Variants in PCDHA7 observed in about 807,000 individuals in gnomAD.
PCDHA7 encodes protocadherin alpha 7.
In PCDHA7, 37 loss-of-function variants were observed where a neutral mutation model predicts 57.2. That is an observed-to-expected ratio of 0.65 (90% CI 0.50 to 0.85). PCDHA7 has a LOEUF of 0.85. Ranked by LOEUF, PCDHA7 falls within the 40% of genes least tolerant of loss-of-function variation. The probability of loss-of-function intolerance (pLI) is 0.00; values close to 1 mark genes in which losing one functional copy is unlikely to be tolerated. For synonymous variants in PCDHA7, 553 were observed against 558.8 expected (o/e 0.99, Z 0.15); for missense variants, 1,188 against 1,241.8 (o/e 0.96, Z 0.65).
At chr5:140,863,062 G>T (rs62384481) in intron 1 of PCDHA7, 19 of 565,590 alleles carry the variant, frequency 3.4e-5, no homozygotes, top group Non-Finnish European at 5.9e-5. Flanking sequence ...CCCGTTCCAC[G>T]TGGGGCTCTG....
At chr5:140,877,881 G>T (rs782565949) in intron 1 of PCDHA7, 73 of 1,468,602 alleles carry the variant, frequency 5.0e-5, no homozygotes, top group Non-Finnish European at 5.9e-5. Flanking sequence ...TTTCCTTGAA[G>T]AACTTCCGTT....
rs1032045343 is a variant in PCDHA7 at position 140,949,549 on chromosome 5, G to A, written c.2356-29400G>A. On this transcript the variant is annotated intron_variant, in intron 1 of 3. Transcript: ENST00000525929. Reference sequence around the variant, plus strand: ...CTTCATAAAATATCGATTTGTTGCTGGTCATACTTTTTTTCTTGTAGTAGC... The same window carrying A: ...CTTCATAAAATATCGATTTGTTGCTAGTCATACTTTTTTTCTTGTAGTAGC... Among the ~76,000 whole-genome samples the A allele has an allele frequency of 2.0e-5, 3 of 151,684 alleles. No homozygotes were observed. In the South Asian group the frequency reaches 6.2e-4, roughly 31 times the overall value.
chr5:141,003,574 A>G (rs559561339), intron 3 of PCDHA7, among the ~76,000 whole-genome samples: 22 of 151,680 alleles, frequency 1.5e-4, no homozygotes, highest in Admixed American at 3.9e-4. Context: ...CAGACTCCCA[A>G]AGTGCTGGGA....
rs545409584 is a variant in PCDHA7, at chr5:140,952,105, G to A, written c.2356-26844G>A. 3.3e-5 allele frequency among the ~76,000 whole-genome samples: 5 copies of A among 152,218 alleles called. 1 individual carries two copies. Among genetic ancestry groups the A allele is most frequent in the African/African-American group, 4.8e-5 (2 of 41,536 alleles). ...CATGTCTCACATCCAGGGCACACTC[G>A]TGTGAGGGATGGGCTCCCAAGGCCT... is the stretch of plus-strand genomic sequence containing the variant. On this transcript the variant is annotated intron_variant, in intron 1 of 3. Coordinates refer to ENST00000525929, the MANE Select transcript of PCDHA7 (RefSeq NM_018910.3).
intron 1 of PCDHA7, among the ~76,000 whole-genome samples, chr5:140,941,773 T>G (rs2093165270): frequency 6.6e-6 from 1 of 152,262 alleles, no homozygotes; most frequent in South Asian, 2.1e-4. Context: ...GATAATTGTT[T>G]TAATGTTTTA....
chr5:140,841,307 A>G lies in PCDHA7; in HGVS notation c.2355+4569A>G. ...TATTAAGATAATATTTTCTGATAGGAAACGACTATTTAACATGGATTATCA... is the reference window on the plus strand; with the variant it reads ...TATTAAGATAATATTTTCTGATAGGGAACGACTATTTAACATGGATTATCA... On this transcript the variant is annotated intron_variant, in intron 1 of 3. Coordinates refer to ENST00000525929, the MANE Select transcript of PCDHA7 (RefSeq NM_018910.3). 3 of 1,579,516 alleles carry G rather than the reference A, an allele frequency of 1.9e-6. No individual in the cohort carries two copies. In the African/African-American group the frequency reaches 4.1e-5, roughly 22 times the overall value.
intron 1 of PCDHA7, among the ~76,000 whole-genome samples, chr5:140,932,809 CAT>C (rs782729907): frequency 3.3e-5 from 5 of 151,746 alleles, no homozygotes; most frequent in Admixed American, 6.6e-5. Flanking sequence ...ACCTTGGAAA[CAT>C]ATAAGTGGGA....
intron 1 of PCDHA7, among the ~76,000 whole-genome samples, chr5:140,910,512 G>A (rs2075055738): frequency 6.6e-6 from 1 of 152,144 alleles, no homozygotes; most frequent in Admixed American, 6.5e-5. Flanking sequence ...GCTCTTCAAG[G>A]ATGCAGGTAC....
intron 1 of PCDHA7, chr5:140,877,641 C>T (rs548787462): frequency 1.9e-6 from 3 of 1,613,592 alleles, no homozygotes; most frequent in Non-Finnish European, 2.5e-6. Context: ...CGCTGCGTTG[C>T]TCAGCGCCGC....
intron 1 of PCDHA7, among the ~76,000 whole-genome samples, chr5:140,943,465 GA>G (rs1412044069): frequency 6.6e-6 from 1 of 152,022 alleles, no homozygotes. Flanking sequence ...CTAAATGTGG[GA>G]GATACAGTAA....
At chr5:140,896,572 T>C (rs1208639295) in intron 1 of PCDHA7, among the ~76,000 whole-genome samples, 5 of 152,002 alleles carry the variant, frequency 3.3e-5, no homozygotes, top group Admixed American at 3.3e-4. Context: ...AGATGGGGTT[T>C]TGACGTGTTG....
chr5:140,870,553 C>T, intron 1 of PCDHA7: 1 of 1,614,032 alleles, frequency 6.2e-7, no homozygotes, highest in East Asian at 2.2e-5. Flanking sequence ...CGCGGACGCG[C>T]AGGAGAACGC....
chr5:140,842,007 T>C (rs2150327218), intron 1 of PCDHA7: 2 of 1,613,612 alleles, frequency 1.2e-6, no homozygotes, highest in East Asian at 2.2e-5. Flanking sequence ...GTTCAGCTGC[T>C]GGTCACAGTG....
chr5:140,975,139 C>G (rs2096655397), intron 1 of PCDHA7, among the ~76,000 whole-genome samples: 1 of 152,154 alleles, frequency 6.6e-6, no homozygotes, highest in Non-Finnish European at 1.5e-5. Flanking sequence ...GGCCTGGGGT[C>G]ACTCTCAGTT....
rs2047281878 is a variant in PCDHA7, at chr5:140,862,273, A to T, written c.2355+25535A>T. On this transcript the variant is annotated intron_variant, in intron 1 of 3. Coordinates refer to ENST00000525929, the MANE Select transcript of PCDHA7 (RefSeq NM_018910.3). ...CCAGAGTTAGCAGTAAGTCACTATC[A>T]TTCCCTGTACAGGAGGACGCTCCAC... The T allele has an allele frequency of 1.2e-5, 3 of 240,916 alleles. No individual in the cohort carries two copies. In the South Asian group the frequency reaches 1.9e-4, roughly 15 times the overall value. 14.9% of individuals were successfully genotyped at this position (240,916 alleles called of 1,614,324 possible).
intron 1 of PCDHA7, among the ~76,000 whole-genome samples, chr5:140,846,743 T>C (rs1359038647): frequency 1.3e-5 from 2 of 149,312 alleles, no homozygotes; most frequent in Admixed American, 6.7e-5. Context: ...ATAGGACCCT[T>C]ACAGATCTCT....
chr5:140,835,670 C>A lies in PCDHA7; in HGVS notation c.1287C>A (p.Asp429Glu). The A allele has an allele frequency of 6.2e-7, 1 of 1,613,852 alleles. No individual in the cohort carries two copies. Among genetic ancestry groups the A allele is most frequent in the Non-Finnish European group, 8.5e-7 (1 of 1,179,872 alleles). ...SAYELVVTAR[D>E]GGSPSLWATA... ...ATGAGCTGGTGGTTACCGCGCGGGA[C>A]GGGGGCTCGCCTTCTCTGTGGGCCA... is the stretch of plus-strand genomic sequence containing the variant. Residue 429 changes from aspartate (D) to glutamate (E), a missense_variant, in exon 1 of 4, where the codon GAC becomes GAA. Around this residue, in one of 3 missense-constraint regions of PCDHA7, gnomAD observed 892 missense variants for 788.5 expected, o/e 1.13. Transcript: ENST00000525929.
chr5:140,874,903 C>A (rs543752012), intron 1 of PCDHA7, among the ~76,000 whole-genome samples: 1 of 152,054 alleles, frequency 6.6e-6, no homozygotes, highest in Non-Finnish European at 1.5e-5. Context: ...TAAAATCTTA[C>A]GATGGAGTGC....
chr5:140,860,192 C>CATATAT (rs143984774), intron 1 of PCDHA7: 2 of 146,816 alleles, frequency 1.4e-5, no homozygotes, highest in African/African-American at 5.0e-5. Context: ...GCTCTCCTTA[C>CATATAT]ATATATATCT....
Sources: allele counts gnomAD v4.1 joint callset (sites outside exome capture counted in the v4.1 genomes callset), GRCh38; gene constraint gnomAD v4.1.1; regional missense constraint gnomAD v4.1.1; transcripts MANE v1.5; gene names NCBI Gene and HGNC (gene_info 2026-07-23, HGNC 2026-07-21).